The following TUSC3 variants were observed in gnomAD, a reference collection of about 807,000 sequenced individuals.
TUSC3 encodes the protein tumor suppressor candidate 3.
TUSC3 carries 45 observed loss-of-function variants against 44.8 expected under a neutral mutation model. That is an observed-to-expected ratio of 1.00 (90% CI 0.79 to 1.29). The LOEUF is 1.29. Ranked by LOEUF, TUSC3 falls within the 50% of genes most tolerant of loss-of-function variation. The pLI is 0.00. For missense variants in TUSC3, 519 were observed against 437.9 expected (o/e 1.19, Z -1.65); for synonymous variants, 212 against 152.9 (o/e 1.39, Z -2.85).
At chr8:15,770,642 G>A (rs569785474), downstream of TUSC3, among the ~76,000 whole-genome samples, 13 of 152,150 alleles carry the variant, frequency 8.5e-5, no homozygotes, top group African/African-American at 2.9e-4. Flanking sequence ...TAATAATATA[G>A]TAATAATTGG....
chr8:15,529,699 A>G (rs1018054), intron 2 of TUSC3, among the ~76,000 whole-genome samples: 16,254 of 151,476 alleles, frequency 0.11, 1,159 homozygotes, highest in South Asian at 0.25. Flanking sequence ...TGGTTTTCAA[A>G]CTGTGTTATT....
In TUSC3 at chr8:15,630,710, GT is replaced by G. The variant is rs373750419; in HGVS notation, c.308+7462del. ...TTTGTGTTCCTAACCAAGATTATTA[GT>G]GTCTTAGGGCAGTGATCTCTCCGCC... is the stretch of plus-strand genomic sequence containing the variant. On this transcript the variant is annotated intron_variant, in intron 2 of 10. Transcript: ENST00000503731. 5.3e-3 allele frequency among the ~76,000 whole-genome samples: 809 copies of G among 152,158 alleles called. 2 individuals are homozygous for G. Among genetic ancestry groups the G allele is most frequent in the African/African-American group, 0.018 (731 of 41,494 alleles).
chr8:15,430,294 T>C lies in TUSC3; in HGVS notation n.91+12989T>C. Among the ~76,000 whole-genome samples the C allele has an allele frequency of 1.4e-5, 2 of 147,914 alleles. 1 individual carries two copies. Among genetic ancestry groups the C allele is most frequent in the Non-Finnish European group, 3.0e-5 (2 of 66,954 alleles). ...GCTTATCCACCATGATCAAGTGGGC[T>C]TCATCCCTGAGAGGCAAGGCTGGTT... On this transcript the variant is annotated intron_variant and non_coding_transcript_variant, in intron 1 of 5. Transcript: ENST00000503191.
rs575367676 is a variant in TUSC3, at chr8:15,589,722, C to A, written c.139-33358C>A. 4.6e-5 allele frequency among the ~76,000 whole-genome samples: 7 copies of A among 151,988 alleles called. No homozygotes were observed. In the South Asian group the frequency reaches 1.5e-3, roughly 32 times the overall value. On this transcript the variant is annotated intron_variant, in intron 1 of 10. Coordinates refer to ENST00000503731, the MANE Select transcript of TUSC3 (RefSeq NM_006765.4). The stretch of plus-strand genomic sequence containing the variant: ...ATGTCTGATTATTTTGTTTTTTGTA[C>A]ATCATTTATAACCATTATCATCTTA...
At chr8:15,730,920 C>G (rs1278263833) in intron 7 of TUSC3, among the ~76,000 whole-genome samples, 191 bp downstream of exon 7, 13 of 151,696 alleles carry the variant, frequency 8.6e-5, no homozygotes, top group Admixed American at 8.5e-4. Context: ...TATTCCGTAT[C>G]ATTAACAGAT....
intron 1 of TUSC3, among the ~76,000 whole-genome samples, chr8:15,462,117 C>G (rs1800354260): frequency 6.6e-6 from 1 of 152,012 alleles, no homozygotes; most frequent in Admixed American, 6.6e-5. Flanking sequence ...CATTTAATAG[C>G]TTTTAGGTTG....
intron 1 of TUSC3, among the ~76,000 whole-genome samples, chr8:15,544,017 A>T (rs1801779546): frequency 6.6e-6 from 1 of 152,102 alleles, no homozygotes; most frequent in Non-Finnish European, 1.5e-5. Flanking sequence ...ATGTTTTGTT[A>T]TATTCCCTGT....
chr8:15,595,721 TGTA>T (rs1804040318), intron 1 of TUSC3, among the ~76,000 whole-genome samples: 1 of 152,210 alleles, frequency 6.6e-6, no homozygotes, highest in Non-Finnish European at 1.5e-5. Flanking sequence ...TTAAGCCTAG[TGTA>T]ATACAATGTA....
chr8:15,492,083 T>G (rs756897750), intron 2 of TUSC3, among the ~76,000 whole-genome samples: 1 of 152,184 alleles, frequency 6.6e-6, no homozygotes, highest in Non-Finnish European at 1.5e-5. Context: ...CTCACTGACT[T>G]ATTTGTAAAC....
chr8:15,559,374 G>T (rs1802376537), intron 1 of TUSC3, among the ~76,000 whole-genome samples: 1 of 148,802 alleles, frequency 6.7e-6, no homozygotes, highest in African/African-American at 2.5e-5. Context: ...CAGACAGTTT[G>T]TTATAATTTC....
chr8:15,448,121 T>TA (rs1354912985), intron 1 of TUSC3, among the ~76,000 whole-genome samples: 9 of 25,882 alleles, frequency 3.5e-4, no homozygotes, highest in Middle Eastern at 0.019. Flanking sequence ...ATATATATAT[T>TA]TATTTATTTA....
intron 2 of TUSC3, among the ~76,000 whole-genome samples, chr8:15,512,532 G>A (rs772421109): frequency 1.3e-5 from 2 of 152,084 alleles, no homozygotes; most frequent in Non-Finnish European, 2.9e-5. Context: ...CAGCACTTTG[G>A]GAAGCTGAGG....
At chr8:15,826,180 G>T in the TUSC3 span, among the ~76,000 whole-genome samples, 1 of 152,090 alleles carries the variant, frequency 6.6e-6, no homozygotes, top group East Asian at 1.9e-4. Context: ...AAATTTTAGG[G>T]CTTACTTAAG....
chr8:15,485,469 T>G (rs923038698), intron 2 of TUSC3, among the ~76,000 whole-genome samples: 1 of 143,298 alleles, frequency 7.0e-6, no homozygotes, highest in Non-Finnish European at 1.6e-5. Flanking sequence ...GTTGTCTTTT[T>G]TTTTTTGTTT....
chr8:15,735,854 C>T (rs1563197056), intron 7 of TUSC3, among the ~76,000 whole-genome samples: 6 of 151,046 alleles, frequency 4.0e-5, no homozygotes, highest in Admixed American at 6.6e-5. Context: ...TGCACGCTGC[C>T]ACACCCGGCT....
At chr8:15,702,469 G>C (rs900880837) in intron 6 of TUSC3, among the ~76,000 whole-genome samples, 2 of 152,048 alleles carry the variant, frequency 1.3e-5, no homozygotes, top group African/African-American at 4.8e-5. Context: ...GGAATCTCAT[G>C]GTATAAATAC....
intron 6 of TUSC3, among the ~76,000 whole-genome samples, chr8:15,703,078 G>A (rs1809470924): frequency 6.6e-6 from 1 of 152,092 alleles, no homozygotes; most frequent in Non-Finnish European, 1.5e-5. Flanking sequence ...AAAAACTGCT[G>A]AGATTCTTTC....
At chr8:15,599,792 A>G (rs1439135137) in intron 1 of TUSC3, among the ~76,000 whole-genome samples, 1 of 148,162 alleles carries the variant, frequency 6.7e-6, no homozygotes, top group African/African-American at 2.5e-5. Context: ...TTTTGCCAGT[A>G]CCCCACTGTC....
At chr8:15,705,838 A>T (rs1809593552) in intron 6 of TUSC3, among the ~76,000 whole-genome samples, 1 of 151,982 alleles carries the variant, frequency 6.6e-6, no homozygotes, top group Non-Finnish European at 1.5e-5. Context: ...CCCCTCCTTC[A>T]TGCTTTACAA....
Sources: allele counts gnomAD v4.1 joint callset (sites outside exome capture counted in the v4.1 genomes callset), GRCh38; gene constraint gnomAD v4.1.1; transcripts MANE v1.5; gene names NCBI Gene and HGNC (gene_info 2026-07-23, HGNC 2026-07-21).